SRGAP3: variants seen among roughly 807,000 people sequenced by gnomAD.
SRGAP3 encodes SLIT-ROBO Rho GTPase-activating protein 3.
A neutral mutation model predicts 121.1 loss-of-function variants in SRGAP3; 39 were observed. That is an observed-to-expected ratio of 0.32 (90% CI 0.25 to 0.42). SRGAP3 has a LOEUF of 0.42. Among genes scored for constraint, SRGAP3 ranks in the 10% least tolerant of loss-of-function variants. SRGAP3 has a pLI of 1.00. For missense variants in SRGAP3, 1,213 were observed against 1,470.6 expected (o/e 0.82, Z 2.86); for synonymous variants, 601 against 570.0 (o/e 1.05, Z -0.77).
At chr3:9,307,489 A>G (rs914294342) in intron 3 of SRGAP3, among the ~76,000 whole-genome samples, 2 of 152,208 alleles carry the variant, frequency 1.3e-5, no homozygotes, top group African/African-American at 4.8e-5. Context: ...TGAACCTACG[A>G]CCCAGCTATA....
At chr3:9,202,060 G>A (rs376532941) in intron 1 of SRGAP3, among the ~76,000 whole-genome samples, 19 of 151,452 alleles carry the variant, frequency 1.3e-4, no homozygotes, top group East Asian at 2.0e-4. Context: ...TGGTTTGGAG[G>A]ATGGGGGGAA....
rs368935316 is a variant in SRGAP3 at position 9,004,107 on chromosome 3, CA to C, written c.2227+6200del. On this transcript the variant is annotated intron_variant, in intron 18 of 21. Transcript: ENST00000383836. Reference sequence around the variant, plus strand: ...TTCCATACACTCATAATGAACAATTCAAAAGTGAAATTAAGGAAACAATTTC... The same window carrying C: ...TTCCATACACTCATAATGAACAATTCAAAGTGAAATTAAGGAAACAATTTC... 3.7e-3 allele frequency among the ~76,000 whole-genome samples: 558 copies of C among 151,986 alleles called. 6 individuals are homozygous for C. Among genetic ancestry groups the C allele is most frequent in the African/African-American group, 0.013 (536 of 41,454 alleles).
chr3:9,190,433 G>T (rs1276638841), intron 1 of SRGAP3, among the ~76,000 whole-genome samples: 1 of 152,194 alleles, frequency 6.6e-6, no homozygotes, highest in African/African-American at 2.4e-5. Flanking sequence ...AGTATGACAG[G>T]TTGGTCCCAA....
At chr3:9,028,208 G>T in intron 12 of SRGAP3, 2 of 1,590,208 alleles carry the variant, frequency 1.3e-6, no homozygotes, top group Non-Finnish European at 1.7e-6. Context: ...GTTAGAGTAA[G>T]CAGATCCTTC....
At chr3:9,349,123 C>A in intron 1 of SRGAP3, 1 of 821,430 alleles carries the variant, frequency 1.2e-6, no homozygotes, top group Non-Finnish European at 2.1e-6. Context: ...CCATACAGTT[C>A]CTGGGGGATG....
At chr3:9,145,231 G>A (rs569939503) in intron 1 of SRGAP3, among the ~76,000 whole-genome samples, 1 of 152,254 alleles carries the variant, frequency 6.6e-6, no homozygotes, top group East Asian at 1.9e-4. Context: ...AAGTAGCTGG[G>A]ATTACAGGCG....
intron 3 of SRGAP3, among the ~76,000 whole-genome samples, chr3:9,290,616 C>T (rs1574976168): frequency 6.6e-6 from 1 of 152,310 alleles, no homozygotes; most frequent in South Asian, 2.1e-4. Context: ...CCAAGCTCTA[C>T]CCTCTTCAGA....
chr3:9,214,049 C>T (rs1021732828), intron 1 of SRGAP3, among the ~76,000 whole-genome samples: 1 of 151,936 alleles, frequency 6.6e-6, no homozygotes, highest in Non-Finnish European at 1.5e-5. Context: ...TTATCTGAAT[C>T]CGTCCTATTT....
rs1941372156 is a variant in SRGAP3, at chr3:8,980,732, A to G, written c.*4787T>C. ...CGTAAGGTAGAGAAACGATATCCAG[A>G]AGAGGGCAACATTTATCATCACGTG... On this transcript the variant is annotated 3_prime_UTR_variant, in exon 22 of 22. Transcript: ENST00000383836. 4.3e-6 allele frequency: 1 copy of G among 233,054 alleles called. No individual in the cohort carries two copies. The highest frequency in any genetic ancestry group is 8.5e-6 in the Non-Finnish European group (1 of 117,634). The allele number at this position is 233,054 out of a possible 1,614,324, so 14.4% of individuals were successfully genotyped here. A position where few individuals can be genotyped will look rare whatever the true frequency, so the allele number is the denominator to read the frequency against.
intron 1 of SRGAP3, among the ~76,000 whole-genome samples, chr3:9,206,443 CTCA>C (rs1218498267): frequency 6.6e-6 from 1 of 152,160 alleles, no homozygotes; most frequent in East Asian, 1.9e-4. Context: ...CTCAAATAGA[CTCA>C]TCATCTATTC....
intron 7 of SRGAP3, 98 bp downstream of exon 7, chr3:9,058,153 T>C (rs1156666002): frequency 3.7e-6 from 5 of 1,357,168 alleles, no homozygotes; most frequent in Non-Finnish European, 3.2e-6. Flanking sequence ...AGGCGTCGGA[T>C]AGAAACTTTC....
At chr3:9,066,474 G>A (rs905618652) in intron 4 of SRGAP3, among the ~76,000 whole-genome samples, 7 of 152,140 alleles carry the variant, frequency 4.6e-5, no homozygotes, top group African/African-American at 1.2e-4. Flanking sequence ...TGTGAAGTGC[G>A]TTTATTAGAA....
chr3:9,036,784 G>C (rs928603771), intron 11 of SRGAP3: 2 of 152,164 alleles, frequency 1.3e-5, no homozygotes, highest in Non-Finnish European at 2.9e-5. Flanking sequence ...GTAAAATACA[G>C]CTTCTGTTGT....
intron 3 of SRGAP3, among the ~76,000 whole-genome samples, chr3:9,308,199 G>C (rs960885607): frequency 1.3e-5 from 2 of 152,074 alleles, no homozygotes; most frequent in Admixed American, 1.3e-4. Context: ...ATGTGTGCAC[G>C]TATGTTCACT....
intron 3 of SRGAP3, among the ~76,000 whole-genome samples, chr3:9,086,517 CAAAAAAAAAAAA>C (rs1242587521): frequency 1.1e-5 from 1 of 87,090 alleles, no homozygotes; most frequent in African/African-American, 4.2e-5. Flanking sequence ...GAGACTGTTT[CAAAAAAAAAAAA>C]AAAAAAAAAC....
chr3:9,164,263 G>C (rs1950702773), intron 1 of SRGAP3, among the ~76,000 whole-genome samples: 1 of 85,488 alleles, frequency 1.2e-5, no homozygotes, highest in African/African-American at 2.9e-5. Flanking sequence ...CAAATCTCCT[G>C]ACACCCAGAC....
chr3:9,311,149 G>A (rs531155282), intron 3 of SRGAP3, among the ~76,000 whole-genome samples: 162 of 148,864 alleles, frequency 1.1e-3, no homozygotes, highest in African/African-American at 3.8e-3. Flanking sequence ...CAGCCTGGGC[G>A]ATAGAGCAAG....
intron 18 of SRGAP3, among the ~76,000 whole-genome samples, chr3:9,003,198 G>A (rs1373053903): frequency 2.6e-5 from 4 of 152,094 alleles, no homozygotes; most frequent in African/African-American, 4.8e-5. Flanking sequence ...CAGCAAACCC[G>A]GCCAGGCACG....
At chr3:9,055,067 G>A (rs1945755290) in intron 8 of SRGAP3, among the ~76,000 whole-genome samples, 1 of 152,168 alleles carries the variant, frequency 6.6e-6, no homozygotes, top group South Asian at 2.1e-4. Flanking sequence ...TTTGGGGGAA[G>A]ATGTAGGGCA....
Sources: allele counts gnomAD v4.1 joint callset (sites outside exome capture counted in the v4.1 genomes callset), GRCh38; gene constraint gnomAD v4.1.1; transcripts MANE v1.5; gene names NCBI Gene and HGNC (gene_info 2026-07-23, HGNC 2026-07-21).